UVRAG: variants seen among roughly 807,000 people sequenced by gnomAD.
UVRAG encodes the protein UV radiation resistance associated.
UVRAG carries 19 observed loss-of-function variants against 78.0 expected under a neutral mutation model. The observed-to-expected ratio is 0.24, with a 90% CI of 0.17 to 0.36. The LOEUF (loss-of-function observed/expected upper bound fraction) is 0.36, where lower values mean the gene tolerates loss of function less well. UVRAG is among the 10% of genes least tolerant of loss of function. The probability of loss-of-function intolerance (pLI) is 1.00; values close to 1 mark genes in which losing one functional copy is unlikely to be tolerated. For synonymous variants in UVRAG, 323 were observed against 324.6 expected (o/e 1.00, Z 0.05); for missense variants, 740 against 853.8 (o/e 0.87, Z 1.66).
intron 12 of UVRAG, among the ~76,000 whole-genome samples, chr11:76,046,187 T>C (rs1352707725): frequency 6.6e-6 from 1 of 152,190 alleles, no homozygotes; most frequent in Non-Finnish European, 1.5e-5. Flanking sequence ...AAAAAGACTT[T>C]TCAGGCATGA....
chr11:75,945,765 A>G (rs1948575787), intron 6 of UVRAG, among the ~76,000 whole-genome samples: 1 of 151,960 alleles, frequency 6.6e-6, no homozygotes, highest in African/African-American at 2.4e-5. Flanking sequence ...AGCTGCTTAC[A>G]GTTCCTGAAA....
Position 75,885,142 on chromosome 11 carries a change from T to C in UVRAG, c.433-3687T>C, listed in dbSNP as rs527719127. ...TTTTTTAATATTTCTGTTTTCAATTTTTTTTGCTAGTATATGTAGAAATAT... is the reference window on the plus strand; with the variant it reads ...TTTTTTAATATTTCTGTTTTCAATTCTTTTTGCTAGTATATGTAGAAATAT... On this transcript the variant is annotated intron_variant, in intron 4 of 14. Coordinates refer to ENST00000356136, the MANE Select transcript of UVRAG (RefSeq NM_003369.4). Among the ~76,000 whole-genome samples the C allele has an allele frequency of 4.4e-4, 67 of 152,216 alleles. No homozygotes were observed. In the South Asian group the frequency reaches 0.013, roughly 31 times the overall value.
chr11:75,918,668 G>T (rs1444692575), intron 6 of UVRAG, among the ~76,000 whole-genome samples: 1 of 152,142 alleles, frequency 6.6e-6, no homozygotes, highest in East Asian at 1.9e-4. Flanking sequence ...CTTTAGGCAA[G>T]AATCCTTGTT....
At chr11:75,853,965 G>C (rs1946223901) in intron 2 of UVRAG, among the ~76,000 whole-genome samples, 1 of 151,500 alleles carries the variant, frequency 6.6e-6, no homozygotes, top group African/African-American at 2.4e-5. Context: ...TAGAGACAGG[G>C]TTTCGTCATG....
At chr11:75,939,628 G>T (rs1241396637) in intron 6 of UVRAG, among the ~76,000 whole-genome samples, 1 of 152,008 alleles carries the variant, frequency 6.6e-6, no homozygotes, top group African/African-American at 2.4e-5. Context: ...TGAGCATATG[G>T]TCTAAAGTGT....
At chr11:75,931,752 G>A (rs1176697241) in intron 6 of UVRAG, among the ~76,000 whole-genome samples, 1 of 152,012 alleles carries the variant, frequency 6.6e-6, no homozygotes, top group Non-Finnish European at 1.5e-5. Context: ...TGAAAGATGA[G>A]GAATTTACCA....
chr11:75,832,445 G>T (rs1444575700), intron 1 of UVRAG, among the ~76,000 whole-genome samples: 1 of 152,192 alleles, frequency 6.6e-6, no homozygotes, highest in Non-Finnish European at 1.5e-5. Context: ...ATTATTATAG[G>T]TTTAGGATAA....
chr11:75,909,864 T>C (rs1455861004), intron 5 of UVRAG, among the ~76,000 whole-genome samples: 1 of 152,228 alleles, frequency 6.6e-6, no homozygotes, highest in Non-Finnish European at 1.5e-5. Flanking sequence ...TTCCTTTGTG[T>C]GTGTGTGTTG....
intron 6 of UVRAG, among the ~76,000 whole-genome samples, chr11:75,947,413 A>T (rs1260822137): frequency 1.3e-5 from 2 of 152,136 alleles, no homozygotes; most frequent in African/African-American, 2.4e-5. Flanking sequence ...AATTCTGCCT[A>T]CCCCAAAGAT....
chr11:76,075,619 A>C (rs1162908844), intron 13 of UVRAG, among the ~76,000 whole-genome samples: 1 of 152,148 alleles, frequency 6.6e-6, no homozygotes, highest in Non-Finnish European at 1.5e-5. Context: ...CTCAAAAAAA[A>C]AAAAAAGTAT....
intron 6 of UVRAG, among the ~76,000 whole-genome samples, chr11:75,946,939 A>G (rs1463842891): frequency 6.6e-6 from 1 of 152,194 alleles, no homozygotes; most frequent in Non-Finnish European, 1.5e-5. Flanking sequence ...GAACTCTGAG[A>G]TCAAGGTGCC....
chr11:75,857,633 G>A (rs1294707573), intron 2 of UVRAG, among the ~76,000 whole-genome samples: 1 of 151,986 alleles, frequency 6.6e-6, no homozygotes, highest in Admixed American at 6.6e-5. Flanking sequence ...AGGACTACAG[G>A]TGTATGCCAC....
At position 75,815,541 on chromosome 11, in the gene UVRAG, C is replaced by T. The variant is rs1945241319; in HGVS notation, c.117+17C>T. ...TCTCAGCAGGTAAGCCCGCGCGGCT[C>T]GCAGCACTCGGGAGGGACCCGGGCA... On this transcript the variant is annotated intron_variant, in intron 1 of 14. Transcript: ENST00000356136. 8.1e-7 allele frequency: 1 copy of T among 1,227,788 alleles called. No individual in the cohort carries two copies. The highest frequency in any genetic ancestry group is 1.0e-6 in the Non-Finnish European group (1 of 983,206). 76.1% of individuals were successfully genotyped at this position (1,227,788 alleles called of 1,614,324 possible).
At chr11:76,070,036 GAA>G (rs1443879359) in intron 13 of UVRAG, among the ~76,000 whole-genome samples, 1 of 152,092 alleles carries the variant, frequency 6.6e-6, no homozygotes, top group African/African-American at 2.4e-5. Context: ...CTAAGATCTA[GAA>G]AAGTTAAGTG....
intron 13 of UVRAG, among the ~76,000 whole-genome samples, chr11:76,108,100 T>C (rs1591246377): frequency 1.3e-5 from 2 of 152,282 alleles, no homozygotes; most frequent in South Asian, 4.1e-4. Context: ...GTATCAAACA[T>C]ATCATGCAGC....
At chr11:75,838,611 C>T (rs1945838912) in intron 1 of UVRAG, among the ~76,000 whole-genome samples, 1 of 152,108 alleles carries the variant, frequency 6.6e-6, no homozygotes, top group Non-Finnish European at 1.5e-5. Flanking sequence ...CATTGGCCTC[C>T]CAAAGTGCTG....
At chr11:75,826,591 C>T (rs956235426) in intron 1 of UVRAG, among the ~76,000 whole-genome samples, 5 of 152,144 alleles carry the variant, frequency 3.3e-5, no homozygotes, top group Non-Finnish European at 7.3e-5. Flanking sequence ...CACCCTCCCA[C>T]GTCCCTTTTA....
intron 8 of UVRAG, among the ~76,000 whole-genome samples, chr11:76,002,340 C>G (rs59525081): frequency 0.011 from 1,720 of 152,154 alleles, 32 homozygotes; most frequent in African/African-American, 0.039. Flanking sequence ...ATTTTGTTAG[C>G]TGATTGGGAT....
At chr11:75,851,778 A>ATGACTG in intron 1 of UVRAG, 105 bp from the exon 2 acceptor site, 1 of 846,192 alleles carries the variant, frequency 1.2e-6, no homozygotes, top group Non-Finnish European at 1.9e-6. Context: ...CAATAAATAA[A>ATGACTG]TGACTGAGAC....
Sources: allele counts gnomAD v4.1 joint callset (sites outside exome capture counted in the v4.1 genomes callset), GRCh38; gene constraint gnomAD v4.1.1; transcripts MANE v1.5; gene names NCBI Gene and HGNC (gene_info 2026-07-23, HGNC 2026-07-21).